The following AP5S1 variants were observed in gnomAD, a reference collection of about 807,000 sequenced individuals.
AP5S1 encodes AP-5 complex subunit sigma-1.
In AP5S1, 13 loss-of-function variants were observed where a neutral mutation model predicts 13.9. That is an observed-to-expected ratio of 0.94 (90% CI 0.61 to 1.49). AP5S1 has a LOEUF of 1.49. Among genes scored for constraint, AP5S1 ranks in the 40% most tolerant of loss-of-function variants. The probability of loss-of-function intolerance (pLI) is 0.00; values close to 1 mark genes in which losing one functional copy is unlikely to be tolerated. For missense variants in AP5S1, 292 were observed against 272.3 expected (o/e 1.07, Z -0.51); for synonymous variants, 132 against 121.8 (o/e 1.08, Z -0.55).
chr20:3,823,853 C>A lies in AP5S1; in HGVS notation c.177-18C>A. ...TTGGTGTGTGAGCCCACCAGCCTGA[C>A]CTGCCCACTCTCCCCAGGCAGGTAG... On this transcript the variant is annotated intron_variant, in intron 2 of 2. Coordinates refer to ENST00000615891, the MANE Select transcript of AP5S1 (RefSeq NM_018347.3). 6.3e-7 allele frequency: 1 copy of A among 1,588,520 alleles called. No individual in the cohort carries two copies. The highest frequency in any genetic ancestry group is 8.5e-7 in the Non-Finnish European group (1 of 1,171,194).
In AP5S1 at chr20:3,824,260, G is replaced by T. The variant is rs1239694938; in HGVS notation, c.566G>T (p.Gly189Val). The T allele has an allele frequency of 3.7e-6, 6 of 1,613,982 alleles. No homozygotes were observed. The highest frequency in any genetic ancestry group is 4.2e-6 in the Non-Finnish European group (5 of 1,179,996). ...TTCCTCAACGACCAGTTTGTCCAAG[G>T]CCTGGAGAAGGAATTCAGTGCCGCT... is the stretch of plus-strand genomic sequence containing the variant. ...LLFLNDQFVQ[G>V]LEKEFSAAWP... is the part of the protein sequence containing the mutation. The change falls in exon 3 of 3, where the codon GGC becomes GTC. Residue 189 changes from glycine to valine, a missense_variant. Gly to Val is a moderately radical substitution (Grantham distance 109). Transcript: ENST00000615891.
rs1333317429 is a variant in AP5S1 at position 3,826,469 on chromosome 20, G to C, written c.*2172G>C. Reference sequence around the variant, plus strand: ...AGGCCATTTTGTCCTCTATGGAAAGGCTCAAGCTTACTGATCTGAATTCTT... The same window carrying C: ...AGGCCATTTTGTCCTCTATGGAAAGCCTCAAGCTTACTGATCTGAATTCTT... On this transcript the variant is annotated 3_prime_UTR_variant, in exon 3 of 3. Coordinates refer to ENST00000615891, the MANE Select transcript of AP5S1 (RefSeq NM_018347.3). The C allele has an allele frequency of 3.3e-5, 5 of 152,192 alleles. No homozygotes were observed. The highest frequency in any genetic ancestry group is 1.2e-4 in the African/African-American group (5 of 41,430). 9.4% of individuals were successfully genotyped at this position (152,192 alleles called of 1,614,324 possible).
intron 2 of AP5S1, chr20:3,823,657 C>T (rs778391372): frequency 2.6e-5 from 26 of 985,286 alleles, no homozygotes; most frequent in Non-Finnish European, 3.0e-5. Context: ...GGGTTGAAAA[C>T]CTGCCCTCTT....
intron 1 of AP5S1, among the ~76,000 whole-genome samples, chr20:3,821,142 C>G (rs548306745): frequency 1.3e-5 from 2 of 152,302 alleles, no homozygotes; most frequent in African/African-American, 4.8e-5. Flanking sequence ...GTTTTTCTCT[C>G]TGCCTTTTTT....
At position 3,826,489 on chromosome 20, in the gene AP5S1, A is replaced by G. The variant is rs1475086449; in HGVS notation, c.*2192A>G. ...GAAAGGCTCAAGCTTACTGATCTGA[A>G]TTCTTTCTGCCTTTTTTTCAAACGG... On this transcript the variant is annotated 3_prime_UTR_variant, in exon 3 of 3. Coordinates refer to ENST00000615891, the MANE Select transcript of AP5S1 (RefSeq NM_018347.3). 6.6e-6 allele frequency: 1 copy of G among 152,100 alleles called. No homozygotes were observed. Among genetic ancestry groups the G allele is most frequent in the East Asian group, 1.9e-4 (1 of 5,194 alleles). The allele number at this position is 152,100 out of a possible 1,614,324, so 9.4% of individuals were successfully genotyped here. A position where few individuals can be genotyped will look rare whatever the true frequency, so the allele number is the denominator to read the frequency against.
At chr20:3,821,530 C>G (rs2089581189) in intron 1 of AP5S1, among the ~76,000 whole-genome samples, 1 of 152,020 alleles carries the variant, frequency 6.6e-6, no homozygotes, top group South Asian at 2.1e-4. Flanking sequence ...CGCCACCATG[C>G]CCGGCTAATT....
chr20:3,824,096 G>A lies in AP5S1; in HGVS notation c.402G>A (p.Leu134=), dbSNP rs904098261. The A allele has an allele frequency of 6.2e-7, 1 of 1,613,974 alleles. No homozygotes were observed. The highest frequency in any genetic ancestry group is 1.1e-5 in the South Asian group (1 of 91,084). ...TGGATGCCCATGAGAACCTGCTACT[G>A]GCTGAGGGCACGCTCCGGCTGCTGA... ...LVLDAHENLL[L]AEGTLRLLTR... is the part of the protein sequence containing the mutation. Residue 134 remains leucine, a synonymous_variant, in exon 3 of 3, where the codon CTG becomes CTA. Transcript: ENST00000615891.
chr20:3,827,943 G>A lies in AP5S1; in HGVS notation c.*3646G>A, dbSNP rs1271224850. 6.6e-6 allele frequency: 1 copy of A among 151,500 alleles called. No homozygotes were observed. The highest frequency in any genetic ancestry group is 1.9e-4 in the East Asian group (1 of 5,166). The allele number at this position is 151,500 out of a possible 1,614,324, so 9.4% of individuals were successfully genotyped here. ...TGCCTGGCTAATTTTTGTATCTTTA[G>A]TAGAGACAGGGTTTCACCGTGTTGG... On this transcript the variant is annotated 3_prime_UTR_variant, in exon 3 of 3. Transcript: ENST00000615891.
chr20:3,822,959 G>A (rs751333309), intron 2 of AP5S1, among the ~76,000 whole-genome samples: 5 of 152,148 alleles, frequency 3.3e-5, no homozygotes, highest in Admixed American at 1.3e-4. Flanking sequence ...CTGGACCTCC[G>A]CATTCTGGGT....
rs982345489 is a variant in AP5S1, at chr20:3,827,539, G to T, written c.*3242G>T. ...GCCTCTCAAAGTACCGGGATTATAG[G>T]CGTGAGCCACCACGACTGACTGGCA... On this transcript the variant is annotated 3_prime_UTR_variant, in exon 3 of 3. Transcript: ENST00000615891. The T allele has an allele frequency of 2.0e-5, 3 of 152,194 alleles. No individual in the cohort carries two copies. Among genetic ancestry groups the T allele is most frequent in the Non-Finnish European group, 1.5e-5 (1 of 68,094 alleles). 9.4% of individuals were successfully genotyped at this position (152,194 alleles called of 1,614,324 possible).
chr20:3,822,507 T>C (rs2089591797), intron 2 of AP5S1, among the ~76,000 whole-genome samples: 1 of 152,216 alleles, frequency 6.6e-6, no homozygotes, highest in Admixed American at 6.5e-5. Flanking sequence ...TTAGTATAAT[T>C]AGCATTTGTT....
At position 3,824,329 on chromosome 20, in the gene AP5S1, GCAGAGGGTAGA is replaced by G; in HGVS notation, c.*35_*45del. 5 of 1,584,148 alleles carry G rather than the reference GCAGAGGGTAGA, an allele frequency of 3.2e-6. No individual in the cohort carries two copies. The highest frequency in any genetic ancestry group is 4.3e-6 in the Non-Finnish European group (5 of 1,160,398). On this transcript the variant is annotated 3_prime_UTR_variant, in exon 3 of 3. Coordinates refer to ENST00000615891, the MANE Select transcript of AP5S1 (RefSeq NM_018347.3). ...GTTGGGATGGTGCTTCTGAGGGCAG[GCAGAGGGTAGA>G]CACACAGCCAGATGAAGCTTGGCAT...
chr20:3,823,673 C>G (rs1393787027), intron 2 of AP5S1, 198 bp from the exon 3 acceptor site: 1 of 985,312 alleles, frequency 1.0e-6, no homozygotes, highest in African/African-American at 1.7e-5. Flanking sequence ...CTCTTGGCCA[C>G]ATGGAATAAA....
chr20:3,823,996 C>T lies in AP5S1; in HGVS notation c.302C>T (p.Ala101Val), dbSNP rs375668374. Residue 101 changes from alanine (A) to valine (V), a missense_variant, in exon 3 of 3, where the codon GCA becomes GTA. Ala to Val is a moderately conservative substitution (Grantham distance 64). Transcript: ENST00000615891. ...HEAPRGAFRL[A>V]AENPFQEPRT... The stretch of plus-strand genomic sequence containing the variant: ...GCCCCACGTGGGGCTTTCCGCCTGG[C>T]AGCAGAGAACCCTTTCCAGGAGCCA... 2.5e-5 allele frequency: 40 copies of T among 1,613,174 alleles called. No individual in the cohort carries two copies. Among genetic ancestry groups the T allele is most frequent in the Admixed American group, 6.7e-5 (4 of 60,024 alleles).
Position 3,824,026 on chromosome 20 carries a change from C to A in AP5S1, c.332C>A (p.Thr111Lys). Residue 111 changes from threonine to lysine, a missense_variant, in exon 3 of 3, where the codon ACG becomes AAG. Thr to Lys is a moderately conservative substitution (Grantham distance 78). Transcript: ENST00000615891. ...AAENPFQEPRTVVWLGVLSLG... is the reference protein window; with the variant it reads ...AAENPFQEPRKVVWLGVLSLG... The stretch of plus-strand genomic sequence containing the variant: ...GAGAACCCTTTCCAGGAGCCACGGA[C>A]GGTGGTGTGGCTGGGCGTGCTCTCG... The A allele has an allele frequency of 6.2e-7, 1 of 1,613,738 alleles. No homozygotes were observed. Among genetic ancestry groups the A allele is most frequent in the Non-Finnish European group, 8.5e-7 (1 of 1,180,028 alleles).
In AP5S1 at chr20:3,823,967, C is replaced by G; in HGVS notation, c.273C>G (p.His91Gln). The change falls in exon 3 of 3, where the codon CAC becomes CAG. Residue 91 changes from histidine (H) to glutamine (Q), a missense_variant. His to Gln is a conservative substitution (Grantham distance 24). Transcript: ENST00000615891. ...PQSSDEQVPLHEAPRGAFRLA... is the reference protein window; with the variant it reads ...PQSSDEQVPLQEAPRGAFRLA... ...CCTCAGATGAGCAAGTGCCGCTGCA[C>G]GAGGCCCCACGTGGGGCTTTCCGCC... The G allele has an allele frequency of 6.2e-7, 1 of 1,610,694 alleles. No homozygotes were observed. Among genetic ancestry groups the G allele is most frequent in the Non-Finnish European group, 8.5e-7 (1 of 1,180,004 alleles).
At chr20:3,823,413 TA>T in intron 2 of AP5S1, 1 of 483,192 alleles carries the variant, frequency 2.1e-6, no homozygotes, top group Non-Finnish European at 2.7e-6. Context: ...CACGCCTGGC[TA>T]ATTTTTTTAA....
At chr20:3,823,705 C>T in intron 2 of AP5S1, 166 bp from the exon 3 acceptor site, 1 of 985,466 alleles carries the variant, frequency 1.0e-6, no homozygotes, top group Non-Finnish European at 1.2e-6. Context: ...CCTGGAGGCT[C>T]ACACTTCCTG....
In AP5S1 at chr20:3,824,037, C is replaced by G. The variant is rs1036186969; in HGVS notation, c.343C>G (p.Leu115Val). 8 of 1,613,688 alleles carry G rather than the reference C, an allele frequency of 5.0e-6. No homozygotes were observed. The highest frequency in any genetic ancestry group is 1.3e-5 in the African/African-American group (1 of 74,954). ...PFQEPRTVVW[L>V]GVLSLGFALV... ...CCAGGAGCCACGGACGGTGGTGTGG[C>G]TGGGCGTGCTCTCGTTAGGCTTTGC... Residue 115 changes from leucine to valine, a missense_variant, in exon 3 of 3, where the codon CTG becomes GTG. By Grantham distance (32) the Leu-to-Val change is conservative. Coordinates refer to ENST00000615891, the MANE Select transcript of AP5S1 (RefSeq NM_018347.3).
Sources: allele counts gnomAD v4.1 joint callset (sites outside exome capture counted in the v4.1 genomes callset), GRCh38; gene constraint gnomAD v4.1.1; transcripts MANE v1.5; gene names NCBI Gene and HGNC (gene_info 2026-07-23, HGNC 2026-07-21).